The following TDRD15 variants were observed in gnomAD, a reference collection of about 807,000 sequenced individuals.
TDRD15 encodes tudor domain-containing protein 15.
For missense variants in TDRD15, 1,416 were observed against 904.7 expected (o/e 1.57, Z -7.25); for synonymous variants, 503 against 314.5 (o/e 1.60, Z -6.34).
At chr2:21,133,823 TAGTC>T (rs1346040737) in intron 2 of TDRD15, among the ~76,000 whole-genome samples, 4 of 152,054 alleles carry the variant, frequency 2.6e-5, no homozygotes, top group Admixed American at 6.6e-5. Flanking sequence ...GAAATATGGT[TAGTC>T]CAAATTGAGA....
At chr2:21,144,479 A>G (rs1052377483), downstream of TDRD15, among the ~76,000 whole-genome samples, 1 of 151,840 alleles carries the variant, frequency 6.6e-6, no homozygotes, top group East Asian at 1.9e-4. Flanking sequence ...TTTTACCTAG[A>G]TGTTTTATAG....
chr2:21,125,407 TAGGA>T (rs1259925879), intron 1 of TDRD15, among the ~76,000 whole-genome samples: 4 of 135,032 alleles, frequency 3.0e-5, no homozygotes, highest in Non-Finnish European at 6.4e-5. Context: ...AGGGTTGTGT[TAGGA>T]AGAGATCCGA....
intron 3 of TDRD15, among the ~76,000 whole-genome samples, chr2:21,136,737 G>A (rs1665814526): frequency 1.3e-5 from 2 of 151,990 alleles, no homozygotes; most frequent in Admixed American, 6.6e-5. Flanking sequence ...CCACAGATTA[G>A]CTATGGTAGA....
intron 3 of TDRD15, among the ~76,000 whole-genome samples, chr2:21,136,151 G>T (rs1227131294): frequency 6.6e-6 from 1 of 151,954 alleles, no homozygotes; most frequent in African/African-American, 2.4e-5. Flanking sequence ...AGAGTACCTG[G>T]TTGTTTCTTC....
Position 21,137,774 on chromosome 2 carries a change from G to T in TDRD15, c.307G>T (p.Ala103Ser). ...LIDRGEELRV[A>S]GPQIASACGN... Reference sequence around the variant, plus strand: ...AGATCGCGGAGAAGAACTAAGAGTTGCTGGTCCACAGATTGCTTCAGCCTG... The same window carrying T: ...AGATCGCGGAGAAGAACTAAGAGTTTCTGGTCCACAGATTGCTTCAGCCTG... Residue 103 changes from alanine (A) to serine (S), a missense_variant, in exon 4 of 4, where the codon GCT (alanine) becomes TCT (serine). Physicochemically the swap from Ala to Ser is moderately conservative, Grantham distance 99 (BLOSUM62 1). Coordinates refer to ENST00000405799, the MANE Select transcript of TDRD15 (RefSeq NM_001306137.2). 1.4e-6 allele frequency: 1 copy of T among 716,646 alleles called. No homozygotes were observed. The highest frequency in any genetic ancestry group is 2.7e-5 in the East Asian group (1 of 37,254). 44.4% of individuals were successfully genotyped at this position (716,646 alleles called of 1,614,324 possible).
intron 3 of TDRD15, among the ~76,000 whole-genome samples, chr2:21,135,865 G>A (rs1013739978): frequency 2.6e-5 from 4 of 152,006 alleles, no homozygotes; most frequent in African/African-American, 7.2e-5. Context: ...AGATAGTGAC[G>A]TGGAGGAGTA....
In TDRD15 at chr2:21,143,974, TC is replaced by T. The variant is rs1199186231; in HGVS notation, c.*704del. ...AATAATTTCAAGGGTTTCATAAAAC[TC>T]CTAAATGTCTGTAGATCTCATGTTA... On this transcript the variant is annotated 3_prime_UTR_variant, in exon 4 of 4. Transcript: ENST00000405799. Among the ~76,000 whole-genome samples the T allele has an allele frequency of 2.0e-5, 3 of 151,762 alleles. No homozygotes were observed.
At chr2:21,134,999 A>T (rs904878487) in intron 3 of TDRD15, among the ~76,000 whole-genome samples, 152 bp downstream of exon 3, 1 of 147,064 alleles carries the variant, frequency 6.8e-6, no homozygotes, top group Non-Finnish European at 1.5e-5. Flanking sequence ...TTTATATATA[A>T]ATTGTATTTA....
chr2:21,126,476 C>A (rs1438101109), intron 1 of TDRD15, among the ~76,000 whole-genome samples: 1 of 151,988 alleles, frequency 6.6e-6, no homozygotes, highest in Non-Finnish European at 1.5e-5. Context: ...AAGCGATTCT[C>A]CTTCCTCAGG....
chr2:21,125,517 G>C (rs1398161251), intron 1 of TDRD15, among the ~76,000 whole-genome samples: 1 of 151,686 alleles, frequency 6.6e-6, no homozygotes, highest in African/African-American at 2.4e-5. Flanking sequence ...GTGAGAGAGA[G>C]AGTGAGTTAG....
chr2:21,140,516 G>C lies in TDRD15; in HGVS notation c.3049G>C (p.Val1017Leu). Residue 1017 changes from valine to leucine, a missense_variant, in exon 4 of 4, where the codon GTG becomes CTG. By Grantham distance (32) the Val-to-Leu change is conservative. Transcript: ENST00000405799. ...AAAATATGATTCTAATAAAATGAGAGTGTGCATATCTAAGTATGTAGAGGA... is the reference window on the plus strand; with the variant it reads ...AAAATATGATTCTAATAAAATGAGACTGTGCATATCTAAGTATGTAGAGGA... ...FPKYDSNKMR[V>L]CISKYVEDGL... 1.4e-6 allele frequency: 1 copy of C among 693,318 alleles called. No homozygotes were observed. The highest frequency in any genetic ancestry group is 2.7e-6 in the Non-Finnish European group (1 of 377,028). The allele number at this position is 693,318 out of a possible 1,614,324, so 42.9% of individuals were successfully genotyped here.
At position 21,139,954 on chromosome 2, in the gene TDRD15, C is replaced by T. The variant is rs1335701605; in HGVS notation, c.2487C>T (p.Asp829=). 1.3e-5 allele frequency: 9 copies of T among 715,736 alleles called. No individual in the cohort carries two copies. The highest frequency in any genetic ancestry group is 2.1e-5 in the Non-Finnish European group (8 of 383,968). The allele number at this position is 715,736 out of a possible 1,614,324, so 44.3% of individuals were successfully genotyped here. ...TGACTCAAGTATCAAAAGAAGTTGACATAGTGTTTGTTGATTATGGTTACC... is the reference window on the plus strand; with the variant it reads ...TGACTCAAGTATCAAAAGAAGTTGATATAGTGTTTGTTGATTATGGTTACC... ...AVLTQVSKEV[D]IVFVDYGYQK... is the part of the protein sequence containing the mutation. Residue 829 remains aspartate (D), a synonymous_variant, in exon 4 of 4, where the codon GAC becomes GAT. Coordinates refer to ENST00000405799, the MANE Select transcript of TDRD15 (RefSeq NM_001306137.2).
intron 2 of TDRD15, among the ~76,000 whole-genome samples, chr2:21,128,784 A>G (rs535342010): frequency 3.9e-5 from 6 of 152,060 alleles, no homozygotes; most frequent in Admixed American, 3.3e-4. Flanking sequence ...GCATTTTGAA[A>G]AGAATTTTGT....
chr2:21,128,689 T>G (rs1665648960), intron 2 of TDRD15, among the ~76,000 whole-genome samples: 1 of 152,138 alleles, frequency 6.6e-6, no homozygotes, highest in African/African-American at 2.4e-5. Context: ...CCTTTTATGG[T>G]TTTTGGGTTT....
chr2:21,137,279 G>T (rs1169632576), intron 3 of TDRD15, among the ~76,000 whole-genome samples, 186 bp from the exon 4 acceptor site: 2 of 151,966 alleles, frequency 1.3e-5, no homozygotes, highest in Admixed American at 6.6e-5. Flanking sequence ...AGTATAGAAA[G>T]CAGTGAATGT....
chr2:21,137,123 C>A (rs1036862798), intron 3 of TDRD15, among the ~76,000 whole-genome samples: 1 of 151,948 alleles, frequency 6.6e-6, no homozygotes, highest in Non-Finnish European at 1.5e-5. Context: ...AATTTAGCTC[C>A]TTTCATTACA....
chr2:21,127,728 A>C lies in TDRD15; in HGVS notation c.-90+17A>C, dbSNP rs1224105933. The C allele has an allele frequency of 6.6e-6, 1 of 152,232 alleles. No individual in the cohort carries two copies. The highest frequency in any genetic ancestry group is 1.5e-5 in the Non-Finnish European group (1 of 68,040). 9.4% of individuals were successfully genotyped at this position (152,232 alleles called of 1,614,324 possible). On this transcript the variant is annotated intron_variant, in intron 2 of 3. Transcript: ENST00000405799. ...TAAACTCAGGTAAGCATAAGTTCTC[A>C]AATTTTAATCTTTTTCAGTTTATTT...
chr2:21,132,699 A>G (rs969940683), intron 2 of TDRD15, among the ~76,000 whole-genome samples: 14 of 152,170 alleles, frequency 9.2e-5, no homozygotes, highest in African/African-American at 2.7e-4. Context: ...AAAAAATTTT[A>G]TGACCTCTGG....
downstream of TDRD15, among the ~76,000 whole-genome samples, chr2:21,146,656 C>A (rs1489978671): frequency 1.3e-5 from 2 of 151,980 alleles, no homozygotes; most frequent in African/African-American, 4.8e-5. Context: ...TAATATGTGC[C>A]TATTCTTCTA....
Sources: gnomAD v4.1 joint callset for allele counts (sites outside exome capture counted in the v4.1 genomes callset) on GRCh38, gnomAD v4.1.1 for gene constraint, MANE v1.5 for transcripts, NCBI Gene and HGNC (gene_info 2026-07-23, HGNC 2026-07-21) for gene names.